The following NOX4 variants were observed in gnomAD, a reference collection of about 807,000 sequenced individuals.
The protein encoded by NOX4 is NADPH oxidase 4, also known as kidney oxidase-1.
A neutral mutation model predicts 87.6 loss-of-function variants in NOX4; 69 were observed. The ratio of observed to expected loss-of-function variants is 0.79; its 90% CI spans 0.65 to 0.96. The LOEUF is 0.96. NOX4 is among the 40% of genes least tolerant of loss of function. The pLI, the probability that NOX4 is intolerant of heterozygous loss-of-function variation, is 0.00. For synonymous variants in NOX4, 275 were observed against 238.2 expected (o/e 1.15, Z -1.42); for missense variants, 680 against 681.5 (o/e 1.00, Z 0.02).
At chr11:89,489,075 A>G (rs1946742980) in intron 2 of NOX4, 1 of 691,600 alleles carries the variant, frequency 1.4e-6, no homozygotes, top group Non-Finnish European at 2.6e-6. Context: ...CTTAAAACCT[A>G]GAAGTTAAAC....
the NOX4 span, among the ~76,000 whole-genome samples, chr11:89,542,022 G>C: frequency 1.3e-5 from 2 of 151,778 alleles, no homozygotes; most frequent in East Asian, 3.9e-4. Context: ...TGTTTTCCAG[G>C]CTGGTCTCTA....
At chr11:89,348,011 C>T (rs978179666) in intron 13 of NOX4, among the ~76,000 whole-genome samples, 3 of 152,174 alleles carry the variant, frequency 2.0e-5, no homozygotes, top group Non-Finnish European at 2.9e-5. Flanking sequence ...TGCAGTGGCT[C>T]ATATCTGTAA....
At chr11:89,438,792 G>GTATAATA (rs544316804) in intron 6 of NOX4, among the ~76,000 whole-genome samples, 990 of 9,426 alleles carry the variant, frequency 0.11, 104 homozygotes, top group Non-Finnish European at 0.2. Flanking sequence ...AATATATAGT[G>GTATAATA]TATAATATAT....
intron 12 of NOX4, among the ~76,000 whole-genome samples, chr11:89,365,206 G>A (rs187787154): frequency 1.3e-5 from 2 of 151,994 alleles, no homozygotes; most frequent in Non-Finnish European, 2.9e-5. Context: ...AATATTTAAT[G>A]GATCCTTTTA....
rs1026460581 is a variant in NOX4, at chr11:89,485,519, C to T, written c.153+4939G>A. On this transcript the variant is annotated intron_variant, in intron 2 of 17. Coordinates refer to ENST00000263317, the MANE Select transcript of NOX4 (RefSeq NM_016931.5). ...TCTTTAATTATTAAAATGTAAAAAA[C>T]GCAACTCAAAACAGGTAAACATGAA... 1.6e-4 allele frequency among the ~76,000 whole-genome samples: 24 copies of T among 151,952 alleles called. No homozygotes were observed. The East Asian group carries it at 3.5e-3, about 22-fold the overall frequency.
chr11:89,434,795 G>C (rs905058074), intron 6 of NOX4, among the ~76,000 whole-genome samples: 1 of 151,696 alleles, frequency 6.6e-6, no homozygotes, highest in African/African-American at 2.4e-5. Flanking sequence ...ATAAAGTGTT[G>C]ATAGATAAGC....
intron 11 of NOX4, among the ~76,000 whole-genome samples, chr11:89,379,000 TAAAA>T (rs1940073789): frequency 6.6e-6 from 1 of 152,192 alleles, no homozygotes; most frequent in Non-Finnish European, 1.5e-5. Flanking sequence ...TATTCAATAT[TAAAA>T]AGAAAGATTC....
chr11:89,445,122 C>A (rs1318359277), intron 4 of NOX4, among the ~76,000 whole-genome samples: 1 of 152,062 alleles, frequency 6.6e-6, no homozygotes, highest in Non-Finnish European at 1.5e-5. Flanking sequence ...ATATTATTTG[C>A]CTTTCAGGGG....
chr11:89,360,294 C>T (rs1470643555), intron 12 of NOX4, among the ~76,000 whole-genome samples: 9 of 152,054 alleles, frequency 5.9e-5, no homozygotes, highest in Non-Finnish European at 1.3e-4. Context: ...TATTTAGCAG[C>T]AACAGGTCAT....
the NOX4 span, chr11:89,533,550 T>A: frequency 2.0e-5 from 3 of 152,138 alleles, no homozygotes; most frequent in African/African-American, 7.2e-5. Flanking sequence ...GAAAAAAAGC[T>A]GCTCTAGAGG....
At chr11:89,332,659 A>C (rs1273895224) in intron 17 of NOX4, among the ~76,000 whole-genome samples, 1 of 151,884 alleles carries the variant, frequency 6.6e-6, no homozygotes, top group Non-Finnish European at 1.5e-5. Context: ...TCTAAGGGGA[A>C]CATGGTAAAA....
At chr11:89,500,080 G>A (rs1947000930), upstream of NOX4, among the ~76,000 whole-genome samples, 1 of 152,098 alleles carries the variant, frequency 6.6e-6, no homozygotes, top group Non-Finnish European at 1.5e-5. Context: ...TCTATTATGT[G>A]TTGCCTAGCA....
intron 12 of NOX4, among the ~76,000 whole-genome samples, chr11:89,368,918 C>T (rs1319738626): frequency 6.6e-6 from 1 of 151,996 alleles, no homozygotes; most frequent in Non-Finnish European, 1.5e-5. Flanking sequence ...ACTTTATTGC[C>T]TCTTAAACTT....
the NOX4 span, among the ~76,000 whole-genome samples, chr11:89,527,737 G>T: frequency 6.6e-6 from 1 of 152,172 alleles, no homozygotes; most frequent in Admixed American, 6.5e-5. Flanking sequence ...AGGATGTATG[G>T]AAGTGCCTAG....
the NOX4 span, among the ~76,000 whole-genome samples, chr11:89,547,948 A>T: frequency 6.6e-6 from 1 of 152,088 alleles, no homozygotes; most frequent in African/African-American, 2.4e-5. Flanking sequence ...GACAGGAGTT[A>T]TGAACAAAGA....
At chr11:89,469,984 T>A (rs542411842) in intron 2 of NOX4, among the ~76,000 whole-genome samples, 2 of 152,154 alleles carry the variant, frequency 1.3e-5, no homozygotes, top group East Asian at 3.9e-4. Flanking sequence ...TGAAGTCACA[T>A]AAACCTGAAT....
chr11:89,369,546 T>C (rs1939280876), intron 12 of NOX4, among the ~76,000 whole-genome samples: 1 of 152,112 alleles, frequency 6.6e-6, no homozygotes, highest in Non-Finnish European at 1.5e-5. Context: ...GTTTAAATAT[T>C]ATCTTCCACA....
chr11:89,423,057 C>A (rs1943172408), intron 7 of NOX4, among the ~76,000 whole-genome samples: 1 of 152,070 alleles, frequency 6.6e-6, no homozygotes, highest in Non-Finnish European at 1.5e-5. Context: ...GTCAGTCTCC[C>A]AAAGTGCTGG....
intron 3 of NOX4, among the ~76,000 whole-genome samples, chr11:89,450,149 C>A (rs1944894681): frequency 6.6e-6 from 1 of 152,150 alleles, no homozygotes. Flanking sequence ...TGCCACTTAT[C>A]TTCTCTTTCT....
Sources: allele counts gnomAD v4.1 joint callset (sites outside exome capture counted in the v4.1 genomes callset), GRCh38; gene constraint gnomAD v4.1.1; transcripts MANE v1.5; gene names NCBI Gene and HGNC (gene_info 2026-07-23, HGNC 2026-07-21).